The following GRIA4 variants were observed in gnomAD, a reference collection of about 807,000 sequenced individuals.
GRIA4 encodes the protein glutamate ionotropic receptor AMPA type subunit 4.
GRIA4 carries 34 observed loss-of-function variants against 104.0 expected under a neutral mutation model. The observed-to-expected ratio is 0.33, with a 90% CI of 0.25 to 0.44. The LOEUF (loss-of-function observed/expected upper bound fraction) is 0.44. Among genes scored for constraint, GRIA4 ranks in the 20% least tolerant of loss-of-function variants. The pLI is 1.00. For missense variants in GRIA4, 750 were observed against 1,096.5 expected (o/e 0.68, Z 4.46); for synonymous variants, 386 against 381.9 (o/e 1.01, Z -0.13).
intron 16 of GRIA4, among the ~76,000 whole-genome samples, chr11:105,976,142 G>A (rs1371088561): frequency 6.6e-6 from 1 of 152,022 alleles, no homozygotes; most frequent in Non-Finnish European, 1.5e-5. Context: ...TATTTGGACT[G>A]AATTCTGAGA....
At chr11:105,835,972 A>G (rs557382111) in intron 4 of GRIA4, among the ~76,000 whole-genome samples, 6 of 152,118 alleles carry the variant, frequency 3.9e-5, no homozygotes. Flanking sequence ...CCAAAAGCCA[A>G]TAAAAGAAGA....
intron 5 of GRIA4, among the ~76,000 whole-genome samples, chr11:105,863,391 A>AATATATATATATAT (rs148725532): frequency 4.7e-5 from 7 of 148,790 alleles, no homozygotes; most frequent in African/African-American, 1.7e-4. Flanking sequence ...GAAAAAGCTA[A>AATATATATATATAT]ATATATATAT....
chr11:105,782,792 G>A (rs1941785387), intron 4 of GRIA4, among the ~76,000 whole-genome samples: 1 of 152,182 alleles, frequency 6.6e-6, no homozygotes, highest in Non-Finnish European at 1.5e-5. Context: ...GAACAGAAGA[G>A]CAATGCTAGT....
At chr11:105,712,289 C>A (rs930002459) in intron 3 of GRIA4, among the ~76,000 whole-genome samples, 5 of 151,862 alleles carry the variant, frequency 3.3e-5, no homozygotes, top group Admixed American at 1.3e-4. Context: ...GAACTGATGT[C>A]CTTAGTTTAA....
intron 1 of GRIA4, 38 bp downstream of exon 1, chr11:105,610,466 C>A (rs561919189): frequency 4.0e-4 from 62 of 155,116 alleles, no homozygotes; most frequent in South Asian, 2.4e-3. Flanking sequence ...GAGCGGTGGG[C>A]GAGGGGCGTG....
intron 4 of GRIA4, among the ~76,000 whole-genome samples, chr11:105,861,054 A>G (rs1433082989): frequency 6.6e-6 from 1 of 152,012 alleles, no homozygotes; most frequent in African/African-American, 2.4e-5. Flanking sequence ...GAAATGCAGG[A>G]ATTATGAGTT....
intron 4 of GRIA4, among the ~76,000 whole-genome samples, chr11:105,823,404 A>T (rs1405717247): frequency 1.3e-5 from 2 of 152,114 alleles, no homozygotes; most frequent in Non-Finnish European, 2.9e-5. Context: ...TAAGGTAATA[A>T]GTCAAAAAGA....
intron 4 of GRIA4, among the ~76,000 whole-genome samples, chr11:105,799,910 T>C (rs1398471992): frequency 6.6e-6 from 1 of 152,140 alleles, no homozygotes; most frequent in Non-Finnish European, 1.5e-5. Context: ...ATTCAGCTGT[T>C]AAGACGTAGG....
chr11:105,811,819 C>T (rs933096906), intron 4 of GRIA4, among the ~76,000 whole-genome samples: 8 of 152,178 alleles, frequency 5.3e-5, no homozygotes, highest in South Asian at 2.1e-4. Flanking sequence ...TAGGCCATGA[C>T]GAAGCAGGTA....
At chr11:105,845,590 T>C (rs983552146) in intron 4 of GRIA4, among the ~76,000 whole-genome samples, 1 of 152,038 alleles carries the variant, frequency 6.6e-6, no homozygotes, top group Non-Finnish European at 1.5e-5. Context: ...TGGATAAAAA[T>C]ACCTATCCCA....
intron 3 of GRIA4, among the ~76,000 whole-genome samples, chr11:105,718,642 C>T (rs1270117384): frequency 1.3e-5 from 2 of 152,164 alleles, no homozygotes; most frequent in South Asian, 2.1e-4. Flanking sequence ...AATTACCTAA[C>T]ACATGCATTG....
At chr11:105,925,215 G>T (rs1947672296) in intron 12 of GRIA4, among the ~76,000 whole-genome samples, 2 of 152,038 alleles carry the variant, frequency 1.3e-5, no homozygotes, top group Non-Finnish European at 2.9e-5. Flanking sequence ...GGAGATACCT[G>T]GAACCTGAGT....
At chr11:105,771,793 C>T (rs1377372213) in intron 4 of GRIA4, among the ~76,000 whole-genome samples, 1 of 151,898 alleles carries the variant, frequency 6.6e-6, no homozygotes, top group African/African-American at 2.4e-5. Context: ...TTTGAAAAAA[C>T]TTGCAGATGA....
chr11:105,876,862 T>C (rs1006112805), intron 5 of GRIA4, among the ~76,000 whole-genome samples: 6 of 152,216 alleles, frequency 3.9e-5, no homozygotes, highest in Non-Finnish European at 8.8e-5. Flanking sequence ...CTTGACCCTT[T>C]ATCCAATTTG....
chr11:105,934,144 G>A lies in GRIA4; in HGVS notation c.2294+175G>A, dbSNP rs549950211. On this transcript the variant is annotated intron_variant, in intron 14 of 16. Coordinates refer to ENST00000282499, the MANE Select transcript of GRIA4 (RefSeq NM_000829.4). ...AATCAGGTAATTTTTTTTAATTTTG[G>A]AATGATTAATCCTTGTTGACATATA... is the stretch of plus-strand genomic sequence containing the variant. Among the ~76,000 whole-genome samples, 63 of 151,736 alleles carry A rather than the reference G, an allele frequency of 4.2e-4. 2 individuals are homozygous for A. In the East Asian group the frequency reaches 0.01, roughly 25 times the overall value.
chr11:105,979,725 T>A lies in GRIA4; in HGVS notation c.2695T>A (p.Ser899Thr), dbSNP rs1332574754. The change falls in exon 17 of 17, where the codon TCG becomes ACG. Residue 899 changes from serine to threonine, a missense_variant. Transcript: ENST00000282499. ...RQSSGLAVIA[S>T]DLP is the part of the protein sequence containing the mutation. ...AAGTTCAGGATTGGCTGTCATTGCATCGGACCTACCATAAAAACCAAAAAA... is the reference window on the plus strand; with the variant it reads ...AAGTTCAGGATTGGCTGTCATTGCAACGGACCTACCATAAAAACCAAAAAA... 6.2e-7 allele frequency: 1 copy of A among 1,613,466 alleles called. No homozygotes were observed. The highest frequency in any genetic ancestry group is 1.7e-5 in the Admixed American group (1 of 59,978).
intron 4 of GRIA4, among the ~76,000 whole-genome samples, chr11:105,844,961 C>A (rs1263702646): frequency 6.6e-6 from 1 of 152,242 alleles, no homozygotes; most frequent in Non-Finnish European, 1.5e-5. Context: ...GGCATGTGTT[C>A]AGGCTCTGCT....
At chr11:105,725,184 C>A (rs1032498297) in intron 3 of GRIA4, among the ~76,000 whole-genome samples, 2 of 152,102 alleles carry the variant, frequency 1.3e-5, no homozygotes, top group African/African-American at 2.4e-5. Context: ...ACAGTTTAAG[C>A]ATGCAATATT....
At chr11:105,929,451 T>C (rs1460437072) in intron 13 of GRIA4, among the ~76,000 whole-genome samples, 1 of 152,162 alleles carries the variant, frequency 6.6e-6, no homozygotes, top group African/African-American at 2.4e-5. Flanking sequence ...TCATGTTTTA[T>C]GTGCCATGGT....
Sources: gnomAD v4.1 joint callset for allele counts (sites outside exome capture counted in the v4.1 genomes callset) on GRCh38, gnomAD v4.1.1 for gene constraint, MANE v1.5 for transcripts, NCBI Gene and HGNC (gene_info 2026-07-23, HGNC 2026-07-21) for gene names.